The following NYAP2 variants were observed in gnomAD, a reference collection of about 807,000 sequenced individuals.
NYAP2 encodes neuronal tyrosine-phosphorylated phosphoinositide-3-kinase adaptor 2.
In NYAP2, 23 loss-of-function variants were observed where a neutral mutation model predicts 50.4. That is an observed-to-expected ratio of 0.46 (90% CI 0.33 to 0.65). The LOEUF (loss-of-function observed/expected upper bound fraction) is 0.65. NYAP2 is among the 30% of genes least tolerant of loss of function. The pLI, the probability that NYAP2 is intolerant of heterozygous loss-of-function variation, is 0.02. For missense variants in NYAP2, 885 were observed against 861.0 expected (o/e 1.03, Z -0.35); for synonymous variants, 394 against 365.2 (o/e 1.08, Z -0.90).
At chr2:225,484,747 G>A (rs73089792) in intron 3 of NYAP2, among the ~76,000 whole-genome samples, 1,870 of 152,338 alleles carry the variant, frequency 0.012, 43 homozygotes, top group African/African-American at 0.043. Context: ...CTAAAATTCT[G>A]TGAATCTTAT....
chr2:225,498,400 A>AG (rs1411124837), intron 3 of NYAP2, among the ~76,000 whole-genome samples: 1 of 152,030 alleles, frequency 6.6e-6, no homozygotes, highest in Non-Finnish European at 1.5e-5. Context: ...AAAAGACCCC[A>AG]GGGGAGTGGA....
intron 4 of NYAP2, among the ~76,000 whole-genome samples, chr2:225,567,363 G>T (rs1352065165): frequency 6.6e-6 from 1 of 151,948 alleles, no homozygotes; most frequent in African/African-American, 2.4e-5. Context: ...ATATAAGAAA[G>T]AGATTTGAAA....
Position 225,578,581 on chromosome 2 carries a change from G to A in NYAP2, c.524-3360G>A, listed in dbSNP as rs377243901. Among the ~76,000 whole-genome samples the A allele has an allele frequency of 2.0e-4, 30 of 152,328 alleles. 1 individual carries two copies. The East Asian group carries it at 5.8e-3, about 29-fold the overall frequency. On this transcript the variant is annotated intron_variant, in intron 4 of 6. Coordinates refer to ENST00000636099, the Ensembl canonical transcript of NYAP2. ...AAGAGTAAGCAGGACAAGCCATGTG[G>A]TGGAAGGGTGCTCTTGGCCCATGTA... is the stretch of plus-strand genomic sequence containing the variant.
intron 3 of NYAP2, among the ~76,000 whole-genome samples, chr2:225,485,488 C>G (rs1177293266): frequency 6.6e-6 from 1 of 152,136 alleles, no homozygotes; most frequent in Non-Finnish European, 1.5e-5. Flanking sequence ...GAGAGGGAGG[C>G]AGACTTAGAT....
chr2:225,593,139 A>C (rs1426547132), intron 5 of NYAP2, among the ~76,000 whole-genome samples: 1 of 152,202 alleles, frequency 6.6e-6, no homozygotes, highest in Non-Finnish European at 1.5e-5. Flanking sequence ...GTGAGTTCCT[A>C]CTGGCTACAT....
intron 3 of NYAP2, among the ~76,000 whole-genome samples, chr2:225,488,081 C>T (rs542486942): frequency 2.6e-4 from 40 of 152,158 alleles, no homozygotes; most frequent in Non-Finnish European, 5.3e-4. Flanking sequence ...CCCATATCCA[C>T]GGATCATTAT....
At chr2:225,506,320 A>G (rs1301454380) in intron 3 of NYAP2, among the ~76,000 whole-genome samples, 1 of 152,178 alleles carries the variant, frequency 6.6e-6, no homozygotes, top group African/African-American at 2.4e-5. Context: ...TTTGTACTCA[A>G]GGCCAATGGG....
chr2:225,473,735 A>G (rs1690052984), intron 3 of NYAP2, among the ~76,000 whole-genome samples: 1 of 152,154 alleles, frequency 6.6e-6, no homozygotes, highest in African/African-American at 2.4e-5. Context: ...GTAGATTGCA[A>G]AAATGTTCTC....
intron 3 of NYAP2, among the ~76,000 whole-genome samples, chr2:225,458,860 A>G (rs1689780332): frequency 6.6e-6 from 1 of 152,256 alleles, no homozygotes. Flanking sequence ...AGTAAAATTT[A>G]AATCCATTTC....
At chr2:225,641,000 G>A (rs1693519801) in intron 6 of NYAP2, among the ~76,000 whole-genome samples, 1 of 152,172 alleles carries the variant, frequency 6.6e-6, no homozygotes, top group Non-Finnish European at 1.5e-5. Flanking sequence ...GGATGATGCA[G>A]AAAGTGCCTT....
At chr2:225,649,271 T>A (rs1693691118) in intron 6 of NYAP2, among the ~76,000 whole-genome samples, 1 of 152,226 alleles carries the variant, frequency 6.6e-6, no homozygotes, top group East Asian at 1.9e-4. Flanking sequence ...CTATTACTAT[T>A]TCCTTATAAT....
chr2:225,521,256 A>G (rs7424762), intron 4 of NYAP2, among the ~76,000 whole-genome samples: 44,467 of 151,506 alleles, frequency 0.29, 8,037 homozygotes, highest in Non-Finnish European at 0.39. Context: ...CTAATTGAAT[A>G]CCCTTTATTT....
intron 3 of NYAP2, among the ~76,000 whole-genome samples, chr2:225,496,342 A>G (rs929590106): frequency 4.6e-5 from 7 of 152,218 alleles, no homozygotes; most frequent in African/African-American, 1.7e-4. Context: ...GAAGATTTCA[A>G]GAAAGTGTGT....
the NYAP2 span, chr2:225,699,470 T>C: frequency 6.6e-6 from 1 of 151,950 alleles, no homozygotes; most frequent in Non-Finnish European, 1.5e-5. Context: ...ATAATCACTA[T>C]ATTTAAGTAA....
chr2:225,613,005 C>T (rs1240974663), intron 5 of NYAP2, among the ~76,000 whole-genome samples: 1 of 152,108 alleles, frequency 6.6e-6, no homozygotes, highest in African/African-American at 2.4e-5. Context: ...TCAAGTTTCT[C>T]CAGAGGGACA....
intron 3 of NYAP2, among the ~76,000 whole-genome samples, chr2:225,501,056 C>T (rs1000399867): frequency 3.9e-5 from 6 of 152,130 alleles, no homozygotes; most frequent in African/African-American, 1.4e-4. Flanking sequence ...GGATAGGAAA[C>T]TTTTCAGAGA....
chr2:225,511,692 A>G (rs1485992897), intron 3 of NYAP2, among the ~76,000 whole-genome samples: 2 of 152,198 alleles, frequency 1.3e-5, no homozygotes, highest in East Asian at 1.9e-4. Flanking sequence ...TCTTGTCTGT[A>G]TCCCCAAAGG....
At chr2:225,601,184 G>A (rs561270831) in intron 5 of NYAP2, among the ~76,000 whole-genome samples, 24 of 149,490 alleles carry the variant, frequency 1.6e-4, no homozygotes, top group Admixed American at 1.1e-3. Context: ...GCAGTGACGC[G>A]ATCTTGGCTC....
At chr2:225,452,749 C>G (rs1294455141) in intron 3 of NYAP2, among the ~76,000 whole-genome samples, 1 of 152,102 alleles carries the variant, frequency 6.6e-6, no homozygotes, top group Non-Finnish European at 1.5e-5. Flanking sequence ...AAAGACAATA[C>G]AATCCACTAA....
Sources: gnomAD v4.1 joint callset for allele counts (sites outside exome capture counted in the v4.1 genomes callset) on GRCh38, gnomAD v4.1.1 for gene constraint, MANE v1.5 for transcripts, NCBI Gene and HGNC (gene_info 2026-07-23, HGNC 2026-07-21) for gene names.